Variants in RBM27 observed in about 807,000 individuals in gnomAD.
The protein encoded by RBM27 is RNA binding motif protein 27.
A neutral mutation model predicts 135.3 loss-of-function variants in RBM27; 22 were observed. That is an observed-to-expected ratio of 0.16 (90% CI 0.12 to 0.23). The LOEUF (loss-of-function observed/expected upper bound fraction) is 0.23, where lower values mean the gene tolerates loss of function less well. Ranked by LOEUF, RBM27 falls within the 10% of genes least tolerant of loss-of-function variation. The pLI, the probability that RBM27 is intolerant of heterozygous loss-of-function variation, is 1.00. For missense variants in RBM27, 1,009 were observed against 1,281.0 expected (o/e 0.79, Z 3.24); for synonymous variants, 481 against 442.4 (o/e 1.09, Z -1.10).
At chr5:146,212,730 G>A (rs1756020139) in intron 1 of RBM27, among the ~76,000 whole-genome samples, 1 of 151,752 alleles carries the variant, frequency 6.6e-6, no homozygotes, top group Admixed American at 6.6e-5. Context: ...TATTTTTTGA[G>A]ATGGAGTCTT....
At chr5:146,279,696 T>C (rs1413020738) in intron 19 of RBM27, among the ~76,000 whole-genome samples, 1 of 150,076 alleles carries the variant, frequency 6.7e-6, no homozygotes, top group Admixed American at 6.7e-5. Context: ...TAGTCGCAGC[T>C]ACTCGGGAGC....
rs959598935 is a variant in RBM27, at chr5:146,288,052, ATTTG to A, written c.*2027_*2030del. 72 of 151,942 alleles carry A rather than the reference ATTTG, an allele frequency of 4.7e-4. No individual in the cohort carries two copies. Among genetic ancestry groups the A allele is most frequent in the African/African-American group, 1.7e-3 (70 of 41,522 alleles). 9.4% of individuals were successfully genotyped at this position (151,942 alleles called of 1,614,324 possible). On this transcript the variant is annotated 3_prime_UTR_variant, in exon 21 of 21. Transcript: ENST00000265271. ...CTTAAACTGTATAATTTTGTAAATA[ATTTG>A]TTTGGGTTTTTTTTTTGTGTACTAA...
chr5:146,282,797 C>G (rs1212478618), intron 19 of RBM27, among the ~76,000 whole-genome samples: 2 of 152,150 alleles, frequency 1.3e-5, no homozygotes, highest in Non-Finnish European at 2.9e-5. Context: ...GTTTTAGATT[C>G]TTACCAGTTT....
At chr5:146,220,246 A>G (rs1159750699) in intron 2 of RBM27, among the ~76,000 whole-genome samples, 4 of 151,872 alleles carry the variant, frequency 2.6e-5, no homozygotes, top group Admixed American at 1.3e-4. Context: ...GGGAGGCCGA[A>G]GCGGGTGGAT....
intron 10 of RBM27, among the ~76,000 whole-genome samples, chr5:146,257,633 C>T (rs1290428314): frequency 1.3e-5 from 2 of 152,080 alleles, no homozygotes; most frequent in African/African-American, 4.8e-5. Flanking sequence ...TAAGACAGTC[C>T]TATATAAGCA....
chr5:146,223,870 A>G (rs1042499783), intron 3 of RBM27, among the ~76,000 whole-genome samples: 1 of 152,206 alleles, frequency 6.6e-6, no homozygotes, highest in African/African-American at 2.4e-5. Context: ...TAGGTAACAC[A>G]TTTTCATGTA....
At chr5:146,271,413 AAAG>A in intron 18 of RBM27, 67 bp from the exon 19 acceptor site, 1 of 1,414,388 alleles carries the variant, frequency 7.1e-7, no homozygotes, top group South Asian at 1.4e-5. Flanking sequence ...AAAAAAAAAA[AAAG>A]TTTTCCTTTG....
intron 19 of RBM27, among the ~76,000 whole-genome samples, chr5:146,273,137 T>C (rs544696039): frequency 1.1e-4 from 16 of 152,328 alleles, no homozygotes; most frequent in African/African-American, 3.8e-4. Context: ...GAGGTGATAT[T>C]GGATTATGTG....
chr5:146,249,007 G>A (rs902893620), intron 8 of RBM27, among the ~76,000 whole-genome samples: 2 of 151,910 alleles, frequency 1.3e-5, no homozygotes, highest in Middle Eastern at 3.4e-3. Context: ...TTTAAAGACA[G>A]CATCTCACCC....
At position 146,285,963 on chromosome 5, in the gene RBM27, A is replaced by G; in HGVS notation, c.3116A>G (p.Asp1039Gly). The G allele has an allele frequency of 6.2e-7, 1 of 1,612,420 alleles. No homozygotes were observed. Among genetic ancestry groups the G allele is most frequent in the Non-Finnish European group, 8.5e-7 (1 of 1,179,038 alleles). The change falls in exon 21 of 21, where the codon GAT (aspartate) becomes GGT (glycine). Residue 1039 changes from aspartate (D) to glycine (G), a missense_variant. By Grantham distance (94) the Asp-to-Gly change is moderately conservative (BLOSUM62 -1). Coordinates refer to ENST00000265271, the MANE Select transcript of RBM27 (RefSeq NM_018989.2). ...EVKEEETETSDLFLPDDDDED... is the reference protein window; with the variant it reads ...EVKEEETETSGLFLPDDDDED... The stretch of plus-strand genomic sequence containing the variant: ...TTTCTTCAGGAAACAGAAACCTCAG[A>G]TTTGTTTTTGCCTGATGATGACGAT...
chr5:146,224,009 C>G (rs746621491), intron 3 of RBM27, among the ~76,000 whole-genome samples: 1 of 152,120 alleles, frequency 6.6e-6, no homozygotes, highest in African/African-American at 2.4e-5. Context: ...AGTATGAAAA[C>G]ATGGTTATAG....
At chr5:146,230,269 G>A (rs1353031780) in intron 5 of RBM27, among the ~76,000 whole-genome samples, 3 of 152,170 alleles carry the variant, frequency 2.0e-5, no homozygotes, top group African/African-American at 7.2e-5. Context: ...TTTGCTGTAA[G>A]GGTGCTTGAA....
At chr5:146,240,306 GTCT>G (rs1757350952) in intron 8 of RBM27, among the ~76,000 whole-genome samples, 1 of 151,416 alleles carries the variant, frequency 6.6e-6, no homozygotes, top group African/African-American at 2.4e-5. Flanking sequence ...CTGTCTGTCT[GTCT>G]GTCTGTCTGT....
chr5:146,268,118 A>G (rs1758697509), intron 15 of RBM27, among the ~76,000 whole-genome samples: 1 of 152,136 alleles, frequency 6.6e-6, no homozygotes, highest in Non-Finnish European at 1.5e-5. Flanking sequence ...TTAAGTTCAC[A>G]TAGGGTTTTC....
chr5:146,279,807 CAAAAA>C (rs766177641), intron 19 of RBM27, among the ~76,000 whole-genome samples: 2 of 55,236 alleles, frequency 3.6e-5, no homozygotes, highest in East Asian at 1.1e-3. Context: ...GACTCTGTCT[CAAAAA>C]AAAAAAAAAA....
Position 146,210,170 on chromosome 5 carries a change from T to C in RBM27, c.59+6346T>C, listed in dbSNP as rs12656470. On this transcript the variant is annotated intron_variant, in intron 1 of 20. Transcript: ENST00000265271. ...TTAAAGTAATTCCATTACCAAGCAA[T>C]ATGCTTGGCACTTAGTAAACACTCA... 6.0e-4 allele frequency among the ~76,000 whole-genome samples: 92 copies of C among 152,298 alleles called. No individual in the cohort carries two copies. The East Asian group carries it at 0.016, about 26-fold the overall frequency.
In RBM27 at chr5:146,229,786, G is replaced by T; in HGVS notation, c.465G>T (p.Leu155Phe). ...DYDRYYERNE[L>F]YREKYDWRRG... The stretch of plus-strand genomic sequence containing the variant: ...ACCGGTACTATGAGCGGAATGAATT[G>T]TACCGTGAGAAGTATGACTGGAGAA... The change falls in exon 5 of 21, where the codon TTG (leucine) becomes TTT (phenylalanine). Residue 155 changes from leucine (L) to phenylalanine (F), a missense_variant. By Grantham distance (22) the Leu-to-Phe change is conservative. Around this residue, in one of 6 missense-constraint regions of RBM27, gnomAD observed 268 missense variants for 326.6 expected, o/e 0.82. Coordinates refer to ENST00000265271, the MANE Select transcript of RBM27 (RefSeq NM_018989.2). 6.2e-7 allele frequency: 1 copy of T among 1,613,730 alleles called. No homozygotes were observed. Among genetic ancestry groups the T allele is most frequent in the Non-Finnish European group, 8.5e-7 (1 of 1,179,782 alleles).
At chr5:146,269,032 T>C (rs1363381129) in intron 15 of RBM27, among the ~76,000 whole-genome samples, 175 bp from the exon 16 acceptor site, 1 of 152,210 alleles carries the variant, frequency 6.6e-6, no homozygotes, top group Non-Finnish European at 1.5e-5. Flanking sequence ...TTAAGTACAG[T>C]TGTAAACTCT....
chr5:146,253,704 A>G (rs1293888325), intron 9 of RBM27, among the ~76,000 whole-genome samples: 1 of 152,160 alleles, frequency 6.6e-6, no homozygotes, highest in African/African-American at 2.4e-5. Flanking sequence ...GTTTTGTGCA[A>G]GAAGGAAATT....
Sources: gnomAD v4.1 joint callset for allele counts (sites outside exome capture counted in the v4.1 genomes callset) on GRCh38, gnomAD v4.1.1 for gene constraint, gnomAD v4.1.1 regional missense constraint, MANE v1.5 for transcripts, NCBI Gene and HGNC (gene_info 2026-07-23, HGNC 2026-07-21) for gene names.